Variants in HPSE2 observed in about 807,000 individuals in gnomAD.
HPSE2 encodes heparanase 2 (inactive).
Under a neutral mutation model 60.5 loss-of-function variants are expected in HPSE2, and 38 were observed. That is an observed-to-expected ratio of 0.63 (90% CI 0.48 to 0.82). HPSE2 has a LOEUF of 0.82. HPSE2 is among the 40% of genes least tolerant of loss of function. HPSE2 has a pLI of 0.00. For missense variants in HPSE2, 713 were observed against 740.4 expected, an observed-to-expected ratio of 0.96 and a Z score of 0.43; for synonymous variants, 295 against 293.2, an observed-to-expected ratio of 1.01 and a Z score of -0.06.
intron 9 of HPSE2, among the ~76,000 whole-genome samples, chr10:98,609,417 T>G (rs1945686055): frequency 6.6e-6 from 1 of 152,248 alleles, no homozygotes; most frequent in African/African-American, 2.4e-5. Flanking sequence ...CCTTTTGAAA[T>G]ACTCTTTTTT....
upstream of HPSE2, among the ~76,000 whole-genome samples, chr10:99,237,780 G>A (rs1214797218): frequency 3.9e-5 from 6 of 152,118 alleles, no homozygotes; most frequent in Admixed American, 2.0e-4. Flanking sequence ...AATTTCAGTC[G>A]AAATTCTTGT....
At chr10:98,841,022 C>T (rs561319929) in intron 3 of HPSE2, among the ~76,000 whole-genome samples, 1 of 152,200 alleles carries the variant, frequency 6.6e-6, no homozygotes, top group Admixed American at 6.5e-5. Flanking sequence ...ACATGGGAGG[C>T]CAAGGGGGGC....
intron 3 of HPSE2, among the ~76,000 whole-genome samples, chr10:98,781,484 T>C (rs558395696): frequency 5.3e-4 from 81 of 152,246 alleles, no homozygotes; most frequent in African/African-American, 1.1e-3. Context: ...GAGTAATGGA[T>C]ATCATATCGT....
chr10:98,947,071 G>T (rs562220581), intron 3 of HPSE2, among the ~76,000 whole-genome samples: 1 of 151,950 alleles, frequency 6.6e-6, no homozygotes, highest in African/African-American at 2.4e-5. Flanking sequence ...TACAAGAAAA[G>T]GTTGAATTGC....
intron 3 of HPSE2, among the ~76,000 whole-genome samples, chr10:99,049,456 C>T (rs1327867595): frequency 4.6e-5 from 7 of 151,942 alleles, no homozygotes; most frequent in African/African-American, 7.2e-5. Flanking sequence ...TCAAGAGATC[C>T]AAACCTAGTA....
intron 9 of HPSE2, among the ~76,000 whole-genome samples, chr10:98,605,953 C>T (rs1054073406): frequency 1.3e-5 from 2 of 152,238 alleles, no homozygotes; most frequent in Admixed American, 6.5e-5. Context: ...TCAGTGAAGA[C>T]CTCCTTAGCC....
intron 2 of HPSE2, among the ~76,000 whole-genome samples, chr10:99,212,708 G>A (rs1375587018): frequency 6.6e-6 from 1 of 152,068 alleles, no homozygotes. Context: ...ACCTTCAAGA[G>A]ATCTACTGTA....
At chr10:98,874,631 GA>G (rs936483570) in intron 3 of HPSE2, among the ~76,000 whole-genome samples, 1 of 152,018 alleles carries the variant, frequency 6.6e-6, no homozygotes, top group Non-Finnish European at 1.5e-5. Context: ...GCCCTGGCCA[GA>G]ACTTCCAATA....
chr10:98,459,657 C>A lies in HPSE2; in HGVS notation c.1696G>T (p.Gly566Cys), dbSNP rs577966759. Residue 566 changes from glycine (G) to cysteine (C), a missense_variant, in exon 12 of 12, where the codon GGC becomes TGC. Physicochemically the swap from Gly to Cys is radical, Grantham distance 159. Transcript: ENST00000370552. ...PELKPRPLRA[G>C]RTLVIPPVTM... is the part of the protein sequence containing the mutation. ...ACTGGAGGGATGACCAATGTCCGGC[C>A]GGCCCGAAGGGGGCGGGGCTTCAAT... is the stretch of plus-strand genomic sequence containing the variant. 8.7e-6 allele frequency: 14 copies of A among 1,614,140 alleles called. No homozygotes were observed. Among genetic ancestry groups the A allele is most frequent in the African/African-American group, 1.3e-5 (1 of 75,044 alleles).
At chr10:98,757,296 C>T (rs1589773543) in intron 3 of HPSE2, among the ~76,000 whole-genome samples, 1 of 152,090 alleles carries the variant, frequency 6.6e-6, no homozygotes, top group African/African-American at 2.4e-5. Context: ...ACTCTTAGCA[C>T]CTCTATTCAA....
chr10:98,663,049 A>T (rs1018096794), intron 6 of HPSE2, among the ~76,000 whole-genome samples: 1 of 152,228 alleles, frequency 6.6e-6, no homozygotes, highest in Non-Finnish European at 1.5e-5. Context: ...AAGACTTAAT[A>T]TGGGTCACAA....
At chr10:99,244,499 T>G in the HPSE2 span, among the ~76,000 whole-genome samples, 1 of 148,726 alleles carries the variant, frequency 6.7e-6, no homozygotes, top group African/African-American at 2.5e-5. Context: ...CTCTACTTCC[T>G]AAACTCAAGC....
At chr10:98,740,674 A>G (rs1325708078) in intron 4 of HPSE2, among the ~76,000 whole-genome samples, 1 of 152,190 alleles carries the variant, frequency 6.6e-6, no homozygotes, top group Admixed American at 6.5e-5. Flanking sequence ...GTTTTTTCCA[A>G]TGCTAGATTT....
the HPSE2 span, among the ~76,000 whole-genome samples, chr10:99,302,368 C>T: frequency 6.9e-6 from 1 of 144,864 alleles, no homozygotes; most frequent in Non-Finnish European, 1.6e-5. Flanking sequence ...CTTTTAGATG[C>T]TGTCCAGCTC....
chr10:98,944,239 C>T (rs576374681), intron 3 of HPSE2, among the ~76,000 whole-genome samples: 1 of 152,190 alleles, frequency 6.6e-6, no homozygotes, highest in East Asian at 1.9e-4. Flanking sequence ...GGGACAGTAT[C>T]TAAAGCAGCA....
chr10:99,165,057 T>G (rs1847018284), intron 2 of HPSE2, among the ~76,000 whole-genome samples: 1 of 118,368 alleles, frequency 8.4e-6, no homozygotes, highest in African/African-American at 3.2e-5. Context: ...CACTCCAGTC[T>G]GGCAACAGAG....
chr10:99,046,014 G>C (rs953851189), intron 3 of HPSE2, among the ~76,000 whole-genome samples: 1 of 152,020 alleles, frequency 6.6e-6, no homozygotes, highest in African/African-American at 2.4e-5. Context: ...TAATACCAAA[G>C]CCTGGCAGGA....
intron 7 of HPSE2, among the ~76,000 whole-genome samples, chr10:98,630,725 C>G (rs1332929372): frequency 6.6e-6 from 1 of 151,894 alleles, no homozygotes; most frequent in Non-Finnish European, 1.5e-5. Flanking sequence ...TTTTTGCATG[C>G]CCTATAGAAT....
Position 98,938,201 on chromosome 10 carries a change from C to T in HPSE2, c.611-194145G>A, listed in dbSNP as rs375309465. ...GAGCACCTCTCCTCCTCCAAAGGAA[C>T]GCAGTTCCTCACCAGCAACGGAACA... On this transcript the variant is annotated intron_variant, in intron 3 of 11. Transcript: ENST00000370552. 5.6e-4 allele frequency among the ~76,000 whole-genome samples: 81 copies of T among 144,960 alleles called. 17 individuals carry two copies. Among genetic ancestry groups the T allele is most frequent in the African/African-American group, 2.1e-3 (74 of 35,922 alleles).
Sources: gnomAD v4.1 joint callset for allele counts (sites outside exome capture counted in the v4.1 genomes callset) on GRCh38, gnomAD v4.1.1 for gene constraint, MANE v1.5 for transcripts, NCBI Gene and HGNC (gene_info 2026-07-23, HGNC 2026-07-21) for gene names.